Variants in ACOT12 observed in about 807,000 individuals in gnomAD.
ACOT12 encodes the protein acetyl-coenzyme A thioesterase.
ACOT12 carries 51 observed loss-of-function variants against 67.7 expected under a neutral mutation model. That is an observed-to-expected ratio of 0.75 (90% CI 0.60 to 0.95). ACOT12 has a LOEUF of 0.95. ACOT12 is among the 40% of genes least tolerant of loss of function. The pLI, the probability that ACOT12 is intolerant of heterozygous loss-of-function variation, is 0.00. For synonymous variants in ACOT12, 251 were observed against 244.6 expected, an observed-to-expected ratio of 1.03 and a Z score of -0.24; for missense variants, 734 against 708.1, an observed-to-expected ratio of 1.04 and a Z score of -0.41.
chr5:81,324,381 GT>G, the ACOT12 span, among the ~76,000 whole-genome samples: 64 of 152,280 alleles, frequency 4.2e-4, no homozygotes, highest in Non-Finnish European at 8.8e-4. Context: ...AAGGGAATTT[GT>G]TGGGGGAAAG....
intron 12 of ACOT12, among the ~76,000 whole-genome samples, chr5:81,332,936 G>A (rs1440806859): frequency 6.6e-6 from 1 of 151,922 alleles, no homozygotes; most frequent in Admixed American, 6.6e-5. Context: ...GAGTGTGGTG[G>A]TGCATGCCTG....
intron 3 of ACOT12, among the ~76,000 whole-genome samples, chr5:81,367,243 G>A (rs895638438): frequency 2.6e-5 from 4 of 152,164 alleles, no homozygotes; most frequent in African/African-American, 7.2e-5. Flanking sequence ...TACACAATAC[G>A]CAAAAGAATA....
At chr5:81,327,504 G>C (rs944938368), downstream of ACOT12, among the ~76,000 whole-genome samples, 1 of 152,108 alleles carries the variant, frequency 6.6e-6, no homozygotes, top group African/African-American at 2.4e-5. Context: ...GCAGTGGCAC[G>C]ATCTCTGCAA....
intron 4 of ACOT12, among the ~76,000 whole-genome samples, chr5:81,360,493 A>G (rs1561338750): frequency 6.6e-6 from 1 of 152,248 alleles, no homozygotes; most frequent in Non-Finnish European, 1.5e-5. Context: ...ATCTTATACC[A>G]TGATACCAAT....
At chr5:81,383,584 T>G (rs1254431733) in intron 2 of ACOT12, among the ~76,000 whole-genome samples, 2 of 152,214 alleles carry the variant, frequency 1.3e-5, no homozygotes, top group African/African-American at 4.8e-5. Flanking sequence ...ACCTATCACC[T>G]ATACTGAATC....
At chr5:81,362,308 G>A (rs1759937808) in intron 4 of ACOT12, among the ~76,000 whole-genome samples, 2 of 151,852 alleles carry the variant, frequency 1.3e-5, no homozygotes, top group African/African-American at 2.4e-5. Context: ...TGGGATTATA[G>A]GCATGCACCA....
intron 3 of ACOT12, among the ~76,000 whole-genome samples, chr5:81,370,846 G>A (rs545045320): frequency 6.6e-6 from 1 of 152,288 alleles, no homozygotes; most frequent in African/African-American, 2.4e-5. Context: ...TGAAGGGACT[G>A]ATCCTGAGCA....
chr5:81,386,630 T>C (rs1319483846), intron 1 of ACOT12, among the ~76,000 whole-genome samples: 1 of 152,208 alleles, frequency 6.6e-6, no homozygotes, highest in Non-Finnish European at 1.5e-5. Context: ...ACAGATTATA[T>C]TGGCTTTATA....
In ACOT12 at chr5:81,333,514, G is replaced by T. The variant is rs146369468; in HGVS notation, c.1263-909C>A. On this transcript the variant is annotated intron_variant, in intron 12 of 14. Coordinates refer to ENST00000307624, the MANE Select transcript of ACOT12 (RefSeq NM_130767.3). ...TACCTGAATCATAGTACATGTACAA[G>T]AAAAGTTAGTTGGATTAGAATTCAT... is the stretch of plus-strand genomic sequence containing the variant. 1.5e-4 allele frequency among the ~76,000 whole-genome samples: 23 copies of T among 152,358 alleles called. No homozygotes were observed. The East Asian group carries it at 3.9e-3, about 26-fold the overall frequency.
intron 1 of ACOT12, among the ~76,000 whole-genome samples, chr5:81,389,568 T>C (rs764682970): frequency 5.1e-4 from 78 of 152,262 alleles, no homozygotes; most frequent in Non-Finnish European, 1.0e-3. Context: ...CACTCTGTCA[T>C]CCAGGCTGGA....
chr5:81,349,604 G>A (rs1420360053), intron 5 of ACOT12, among the ~76,000 whole-genome samples: 1 of 152,050 alleles, frequency 6.6e-6, no homozygotes, highest in Non-Finnish European at 1.5e-5. Flanking sequence ...CACCTTCAGG[G>A]TCTCTTGAAG....
chr5:81,334,975 G>A lies in ACOT12; in HGVS notation c.1262+793C>T, dbSNP rs183831791. 4.4e-3 allele frequency among the ~76,000 whole-genome samples: 670 copies of A among 152,290 alleles called. 13 individuals are homozygous for A. The highest frequency in any genetic ancestry group is 2.7e-3 in the Non-Finnish European group (183 of 68,020). On this transcript the variant is annotated intron_variant, in intron 12 of 14. Coordinates refer to ENST00000307624, the MANE Select transcript of ACOT12 (RefSeq NM_130767.3). ...AGCAGGAAGGCATGCCTTTCACCTC[G>A]GGGCTCACACAGCTTGCTCTCTTAG...
At chr5:81,328,065 T>C (rs1340980391), downstream of ACOT12, among the ~76,000 whole-genome samples, 1 of 152,162 alleles carries the variant, frequency 6.6e-6, no homozygotes, top group Non-Finnish European at 1.5e-5. Context: ...CCAGGTTCTT[T>C]GCTTTCCTAG....
intron 3 of ACOT12, among the ~76,000 whole-genome samples, chr5:81,367,298 C>T (rs975549345): frequency 6.6e-6 from 1 of 152,040 alleles, no homozygotes; most frequent in East Asian, 1.9e-4. Context: ...ATATAAAATA[C>T]TTCTTTTCAT....
chr5:81,344,732 G>T (rs1291566654), intron 8 of ACOT12, among the ~76,000 whole-genome samples, 159 bp downstream of exon 8: 1 of 152,022 alleles, frequency 6.6e-6, no homozygotes, highest in Non-Finnish European at 1.5e-5. Context: ...GTGATCGGGG[G>T]GAAAAGGAAA....
Position 81,346,006 on chromosome 5 carries a change from TG to T in ACOT12, c.654-3del, listed in dbSNP as rs1198649147. The T allele has an allele frequency of 6.2e-7, 1 of 1,613,340 alleles. No individual in the cohort carries two copies. The highest frequency in any genetic ancestry group is 2.2e-5 in the East Asian group (1 of 44,878). On this transcript the variant is annotated splice_region_variant and splice_polypyrimidine_tract_variant and intron_variant, in intron 6 of 14. Coordinates refer to ENST00000307624, the MANE Select transcript of ACOT12 (RefSeq NM_130767.3). ...AAGGGATGAGCCCAACACAGGCGGC[TG>T]GGGAGACAAAGGGAGGGAGAGAGAA...
intron 2 of ACOT12, among the ~76,000 whole-genome samples, chr5:81,380,691 T>A (rs1438509928): frequency 6.6e-6 from 1 of 150,806 alleles, no homozygotes; most frequent in Non-Finnish European, 1.5e-5. Context: ...GGAAACAATA[T>A]AAATGTTCAT....
intron 5 of ACOT12, 52 bp from the exon 6 acceptor site, chr5:81,347,982 G>A (rs1175899145): frequency 6.4e-7 from 1 of 1,554,750 alleles, no homozygotes; most frequent in Non-Finnish European, 8.7e-7. Flanking sequence ...ATAGGCCCTG[G>A]GGCTCCAGCT....
In ACOT12 at chr5:81,338,293, C is replaced by T. The variant is rs150282876; in HGVS notation, c.1129-2392G>A. Among the ~76,000 whole-genome samples the T allele has an allele frequency of 2.2e-3, 339 of 152,300 alleles. 3 individuals are homozygous for T. Among genetic ancestry groups the T allele is most frequent in the African/African-American group, 7.7e-3 (322 of 41,566 alleles). ...TTGTGATTTCAACCAAATCTCATGT[C>T]GAATTGTAATCCCCAGTGCTGGAGC... On this transcript the variant is annotated intron_variant, in intron 11 of 14. Coordinates refer to ENST00000307624, the MANE Select transcript of ACOT12 (RefSeq NM_130767.3).
Sources: allele counts gnomAD v4.1 joint callset (sites outside exome capture counted in the v4.1 genomes callset), GRCh38; gene constraint gnomAD v4.1.1; transcripts MANE v1.5; gene names NCBI Gene and HGNC (gene_info 2026-07-23, HGNC 2026-07-21).